INTS6: variants seen among roughly 807,000 people sequenced by gnomAD.
INTS6 encodes integrator complex subunit 6.
A neutral mutation model predicts 104.9 loss-of-function variants in INTS6; 16 were observed. The ratio of observed to expected loss-of-function variants is 0.15; its 90% CI spans 0.10 to 0.23. The LOEUF is 0.23. INTS6 is among the 10% of genes least tolerant of loss of function. INTS6 has a pLI of 1.00. For synonymous variants in INTS6, 324 were observed against 358.7 expected (o/e 0.90, Z 1.09); for missense variants, 584 against 1,062.8 (o/e 0.55, Z 6.26).
At chr13:51,399,708 G>A (rs1189951656) in intron 4 of INTS6, among the ~76,000 whole-genome samples, 1 of 147,702 alleles carries the variant, frequency 6.8e-6, no homozygotes, top group African/African-American at 2.4e-5. Flanking sequence ...GCCATTGTGG[G>A]TGTGTGTGTG....
intron 5 of INTS6, among the ~76,000 whole-genome samples, chr13:51,394,142 A>C (rs1483866247): frequency 1.3e-5 from 2 of 152,194 alleles, no homozygotes; most frequent in African/African-American, 4.8e-5. Flanking sequence ...ACTGTCACTG[A>C]AAAATATTAT....
intron 15 of INTS6, 113 bp from the exon 16 acceptor site, chr13:51,369,423 C>G: frequency 9.7e-7 from 1 of 1,035,626 alleles, no homozygotes; most frequent in Non-Finnish European, 1.4e-6. Flanking sequence ...TTGACTAATG[C>G]AAGTTAACAA....
the INTS6 span, chr13:51,344,537 CAG>C: frequency 5.7e-6 from 8 of 1,396,250 alleles, no homozygotes; most frequent in Admixed American, 2.0e-5. Context: ...GCTGCAGAGA[CAG>C]AGTCTCACCC....
At chr13:51,382,174 T>C (rs552540446) in intron 9 of INTS6, 51 bp from the exon 10 acceptor site, 10 of 1,132,728 alleles carry the variant, frequency 8.8e-6, no homozygotes, top group East Asian at 2.6e-5. Flanking sequence ...TTTTCACACA[T>C]AGAAGTCAAG....
In INTS6 at chr13:51,364,740, A is replaced by G. The variant is rs9568580; in HGVS notation, c.*1012T>C. 0.039 allele frequency: 6,021 copies of G among 153,226 alleles called. 156 individuals carry two copies. Among genetic ancestry groups the G allele is most frequent in the East Asian group, 0.11 (550 of 5,196 alleles). The allele number at this position is 153,226 out of a possible 1,614,324, so 9.5% of individuals were successfully genotyped here. ...AACAGAGTTTAAGTGTGAGAACAGC[A>G]GAGCAGAACAAGGAGGCCTCCAATT... On this transcript the variant is annotated 3_prime_UTR_variant, in exon 18 of 18. Transcript: ENST00000311234.
chr13:51,355,284 G>A (rs1160129313), intron 3 of INTS6: 1 of 572,598 alleles, frequency 1.7e-6, no homozygotes, highest in Non-Finnish European at 3.1e-6. Flanking sequence ...AGAATGTGTT[G>A]CTTCTAATAA....
chr13:51,430,148 A>G (rs1027264785), intron 4 of INTS6, 146 bp downstream of exon 4: 13 of 633,210 alleles, frequency 2.1e-5, no homozygotes, highest in African/African-American at 2.0e-4. Context: ...CACTGCTACA[A>G]ACAAAGATGG....
chr13:51,429,785 A>AAAAAAAAAAAAAAATATATATATAT (rs1156333077), intron 4 of INTS6, among the ~76,000 whole-genome samples: 1 of 92,358 alleles, frequency 1.1e-5, no homozygotes. Flanking sequence ...AAAAAAAAAA[A>AAAAAAAAAAAAAAATATATATATAT]ATATATATAT....
At chr13:51,440,811 T>A (rs1032294002) in intron 3 of INTS6, 1 of 152,212 alleles carries the variant, frequency 6.6e-6, no homozygotes, top group African/African-American at 2.4e-5. Context: ...GTAGGTATAC[T>A]CTATGATGTT....
At chr13:51,392,235 T>C (rs578018274) in intron 5 of INTS6, among the ~76,000 whole-genome samples, 59 of 152,354 alleles carry the variant, frequency 3.9e-4, no homozygotes, top group African/African-American at 1.4e-3. Context: ...CACATCATAC[T>C]TGGAATATAA....
intron 4 of INTS6, among the ~76,000 whole-genome samples, chr13:51,402,313 C>T (rs1039645085): frequency 1.3e-5 from 2 of 152,248 alleles, no homozygotes; most frequent in East Asian, 1.9e-4. Context: ...TGTTAGGAGA[C>T]ATCTGTTTGG....
At chr13:51,390,369 T>G (rs1956224213) in intron 5 of INTS6, among the ~76,000 whole-genome samples, 1 of 151,866 alleles carries the variant, frequency 6.6e-6, no homozygotes, top group Non-Finnish European at 1.5e-5. Flanking sequence ...TATATTGATT[T>G]AAATAAAATA....
the INTS6 span, among the ~76,000 whole-genome samples, chr13:51,338,824 G>A: frequency 2.0e-5 from 3 of 152,200 alleles, no homozygotes; most frequent in Non-Finnish European, 4.4e-5. Flanking sequence ...GTTGTCAAGT[G>A]AAAACAGTCC....
In INTS6 at chr13:51,395,491, T is replaced by C. The variant is rs1956317668; in HGVS notation, c.430-8A>G. The C allele has an allele frequency of 3.1e-6, 5 of 1,602,714 alleles. No individual in the cohort carries two copies. The highest frequency in any genetic ancestry group is 2.7e-5 in the African/African-American group (2 of 74,292). ...ATTAAGAGGTAAATGAAGCTGAAAG[T>C]AGGGGGGAAAAACAGTAATAAGAAT... On this transcript the variant is annotated splice_polypyrimidine_tract_variant and splice_region_variant and intron_variant, in intron 4 of 17. Transcript: ENST00000311234.
chr13:51,421,628 G>GTAT (rs1196902367), intron 4 of INTS6, among the ~76,000 whole-genome samples: 2 of 152,054 alleles, frequency 1.3e-5, no homozygotes, highest in African/African-American at 2.4e-5. Context: ...AGCTAAATAA[G>GTAT]TATTATCAAG....
intron 9 of INTS6, 44 bp downstream of exon 9, chr13:51,383,285 C>CT: frequency 1.3e-6 from 2 of 1,517,894 alleles, no homozygotes; most frequent in East Asian, 2.3e-5. Context: ...TTTAGGAGAA[C>CT]TTTTATATGC....
At chr13:51,387,197 T>C (rs1237524319) in intron 7 of INTS6, among the ~76,000 whole-genome samples, 189 bp downstream of exon 7, 2 of 152,168 alleles carry the variant, frequency 1.3e-5, no homozygotes, top group Non-Finnish European at 2.9e-5. Context: ...TTCTATTACT[T>C]CATAATAAAC....
intron 4 of INTS6, among the ~76,000 whole-genome samples, chr13:51,417,737 G>A (rs779312260): frequency 4.6e-5 from 7 of 152,256 alleles, no homozygotes; most frequent in South Asian, 2.1e-4. Flanking sequence ...GATTACAGGC[G>A]TGAGCTACTG....
At chr13:51,375,735 GT>G (rs1566208982) in intron 13 of INTS6, among the ~76,000 whole-genome samples, 6 of 36,448 alleles carry the variant, frequency 1.6e-4, no homozygotes, top group Non-Finnish European at 2.9e-4. Flanking sequence ...TGATAAGTGG[GT>G]GTGTGTGTGT....
Sources: allele counts gnomAD v4.1 joint callset (sites outside exome capture counted in the v4.1 genomes callset), GRCh38; gene constraint gnomAD v4.1.1; transcripts MANE v1.5; gene names NCBI Gene and HGNC (gene_info 2026-07-23, HGNC 2026-07-21).